The following PCDHGB3 variants were observed in gnomAD, a reference collection of about 807,000 sequenced individuals.
PCDHGB3 encodes the protein protocadherin gamma subfamily B, 3, also known as protocadherin gamma-B3.
PCDHGB3 carries 40 observed loss-of-function variants against 59.2 expected under a neutral mutation model. That is an observed-to-expected ratio of 0.68 (90% CI 0.52 to 0.88). The LOEUF is 0.88. Ranked by LOEUF, PCDHGB3 falls within the 40% of genes least tolerant of loss-of-function variation. The pLI is 0.00. For synonymous variants in PCDHGB3, 581 were observed against 503.6 expected (o/e 1.15, Z -2.06); for missense variants, 1,309 against 1,187.9 (o/e 1.10, Z -1.50).
At chr5:141,401,805 G>C (rs1307812903) in intron 1 of PCDHGB3, among the ~76,000 whole-genome samples, 1 of 152,132 alleles carries the variant, frequency 6.6e-6, no homozygotes, top group Non-Finnish European at 1.5e-5. Context: ...TTCAGTAAAT[G>C]GGTTCCTTAC....
At chr5:141,464,883 T>G (rs995385615) in intron 1 of PCDHGB3, among the ~76,000 whole-genome samples, 1 of 152,086 alleles carries the variant, frequency 6.6e-6, no homozygotes, top group African/African-American at 2.4e-5. Flanking sequence ...GGACTACAGA[T>G]GGATGCCACC....
intron 1 of PCDHGB3, chr5:141,393,343 A>G (rs751102208): frequency 8.1e-6 from 13 of 1,613,914 alleles, no homozygotes; most frequent in Non-Finnish European, 1.1e-5. Context: ...CCCAATCACC[A>G]CTTCTCCCTG....
At chr5:141,408,990 AAGTGAC>A (rs769374488) in intron 1 of PCDHGB3, 2 of 1,613,984 alleles carry the variant, frequency 1.2e-6, no homozygotes, top group Non-Finnish European at 1.7e-6. Flanking sequence ...CCTGTGTTGC[AAGTGAC>A]AGCCACTGAC....
Position 141,490,618 on chromosome 5 carries a change from A to C in PCDHGB3, c.2416-4189A>C. The C allele has an allele frequency of 6.2e-7, 1 of 1,614,104 alleles. No homozygotes were observed. Among genetic ancestry groups the C allele is most frequent in the South Asian group, 1.1e-5 (1 of 91,080 alleles). ...ACCCCGCTTCAACCAGCAGCTTTAC[A>C]CTGCTTACATCCTAGAAAACCGGCC... On this transcript the variant is annotated intron_variant, in intron 1 of 3. Coordinates refer to ENST00000576222, the MANE Select transcript of PCDHGB3 (RefSeq NM_018924.5). This position sits in a 1 kb window ranked among gnomAD's most constrained non-coding sequence, Gnocchi z 5.4.
In PCDHGB3 at chr5:141,486,444, T is replaced by C. The variant is rs769032995; in HGVS notation, c.2416-8363T>C. 2 of 1,614,086 alleles carry C rather than the reference T, an allele frequency of 1.2e-6. No individual in the cohort carries two copies. On this transcript the variant is annotated intron_variant, in intron 1 of 3. Transcript: ENST00000576222. This position sits in a 1 kb window ranked among gnomAD's most constrained non-coding sequence, Gnocchi z 5.0. ...GAGGCCAAATCTAGCTATGACATCA[T>C]GGTCACTGCTTCTGATGCTGGGAAC...
Position 141,490,325 on chromosome 5 carries a change from G to A in PCDHGB3, c.2416-4482G>A. 1 of 1,614,236 alleles carries A rather than the reference G, an allele frequency of 6.2e-7. No individual in the cohort carries two copies. Among genetic ancestry groups the A allele is most frequent in the Non-Finnish European group, 8.5e-7 (1 of 1,180,038 alleles). On this transcript the variant is annotated intron_variant, in intron 1 of 3. Transcript: ENST00000576222. This position sits in a 1 kb window ranked among gnomAD's most constrained non-coding sequence, Gnocchi z 5.4. ...TCTTTGGCCAACCCTGTCCTAGAGA[G>A]CACACCAGTGGGCACAGTAGTGGGG...
chr5:141,473,655 G>A (rs2099326380), intron 1 of PCDHGB3, among the ~76,000 whole-genome samples: 1 of 152,182 alleles, frequency 6.6e-6, no homozygotes, highest in Non-Finnish European at 1.5e-5. Context: ...AACAATTTGT[G>A]TGAAGGCCCT....
At chr5:141,451,832 G>A (rs1190124133) in intron 1 of PCDHGB3, among the ~76,000 whole-genome samples, 1 of 150,948 alleles carries the variant, frequency 6.6e-6, no homozygotes, top group Non-Finnish European at 1.5e-5. Context: ...AGTGAGCCGA[G>A]ATCACACCAC....
At chr5:141,408,070 T>C (rs1413400462) in intron 1 of PCDHGB3, 3 of 1,381,930 alleles carry the variant, frequency 2.2e-6, no homozygotes, top group Non-Finnish European at 2.9e-6. Context: ...TGCGCAGACC[T>C]TTCCCAGCAC....
chr5:141,389,233 T>C (rs1374129511), intron 1 of PCDHGB3: 1 of 1,613,926 alleles, frequency 6.2e-7, no homozygotes, highest in Non-Finnish European at 8.5e-7. Context: ...GCTCCGGTTT[T>C]CTCACAGTCT....
intron 2 of PCDHGB3, among the ~76,000 whole-genome samples, chr5:141,504,039 AC>A (rs1396515708): frequency 6.6e-6 from 1 of 152,184 alleles, no homozygotes; most frequent in African/African-American, 2.4e-5. Context: ...CATTTAGGCA[AC>A]AAATATTTAT....
chr5:141,409,055 G>A lies in PCDHGB3; in HGVS notation c.2415+36246G>A, dbSNP rs141881204. The A allele has an allele frequency of 7.2e-5, 117 of 1,614,038 alleles. No individual in the cohort carries two copies. Among genetic ancestry groups the A allele is most frequent in the Admixed American group, 5.0e-4 (30 of 60,032 alleles). On this transcript the variant is annotated intron_variant, in intron 1 of 3. Coordinates refer to ENST00000576222, the MANE Select transcript of PCDHGB3 (RefSeq NM_018924.5). ...GATAAACTACTACTTCCGAAGCACT[G>A]CCCAGAGCACAAAACATATGTTCTC...
intron 1 of PCDHGB3, among the ~76,000 whole-genome samples, chr5:141,492,869 A>G (rs975868829): frequency 6.6e-6 from 1 of 152,010 alleles, no homozygotes; most frequent in African/African-American, 2.4e-5. Context: ...CTGGCTCTCA[A>G]CCCCCAGAGA....
intron 1 of PCDHGB3, chr5:141,391,305 T>TC (rs1349412285): frequency 6.6e-6 from 1 of 151,546 alleles, no homozygotes; most frequent in African/African-American, 2.4e-5. Flanking sequence ...GTCTTTCGAT[T>TC]CTTTTTTTTT....
chr5:141,413,639 GT>G, intron 1 of PCDHGB3: 1 of 1,613,854 alleles, frequency 6.2e-7, no homozygotes, highest in South Asian at 1.1e-5. Context: ...GCGGGAATGC[GT>G]TTTCCTCTCC....
intron 1 of PCDHGB3, among the ~76,000 whole-genome samples, chr5:141,474,187 T>A (rs2099345004): frequency 6.6e-6 from 1 of 152,210 alleles, no homozygotes; most frequent in South Asian, 2.1e-4. Context: ...ACTACTTACA[T>A]TTTTAAAAGC....
At chr5:141,482,876 AGCCTG>A (rs2099574018) in intron 1 of PCDHGB3, among the ~76,000 whole-genome samples, 1 of 152,142 alleles carries the variant, frequency 6.6e-6, no homozygotes, top group Admixed American at 6.5e-5. Flanking sequence ...GTTTGAAACC[AGCCTG>A]GCCAACATGG....
intron 1 of PCDHGB3, chr5:141,404,186 C>A (rs767632448): frequency 1.2e-6 from 2 of 1,612,966 alleles, no homozygotes; most frequent in Middle Eastern, 1.6e-4. Flanking sequence ...AATTCTTGAC[C>A]GAGAAAAAGC....
At position 141,485,656 on chromosome 5, in the gene PCDHGB3, T is replaced by C. The variant is rs147216126; in HGVS notation, c.2416-9151T>C. On this transcript the variant is annotated intron_variant, in intron 1 of 3. Coordinates refer to ENST00000576222, the MANE Select transcript of PCDHGB3 (RefSeq NM_018924.5). This position sits in a 1 kb window ranked among gnomAD's most constrained non-coding sequence, Gnocchi z 5.7. ...CGTTGGAAAAGGCTCAGGATGCAGA[T>C]GTGGGGAGCAATTCGATTAGCAGCT... 23 of 1,612,648 alleles carry C rather than the reference T, an allele frequency of 1.4e-5. No homozygotes were observed. The African/African-American group carries it at 2.8e-4, about 20-fold the overall frequency.
Sources: gnomAD v4.1 joint callset for allele counts (sites outside exome capture counted in the v4.1 genomes callset) on GRCh38, gnomAD v4.1.1 for gene constraint, Gnocchi (gnomAD v3.1) non-coding constraint, MANE v1.5 for transcripts, NCBI Gene and HGNC (gene_info 2026-07-23, HGNC 2026-07-21) for gene names.